Variants in NXN observed in about 807,000 individuals in gnomAD.
NXN encodes nucleoredoxin.
Under a neutral mutation model 48.6 loss-of-function variants are expected in NXN, and 16 were observed. The observed-to-expected ratio is 0.33, with a 90% CI of 0.22 to 0.50. The LOEUF (loss-of-function observed/expected upper bound fraction) is 0.50. NXN is among the 20% of genes least tolerant of loss of function. The pLI, the probability that NXN is intolerant of heterozygous loss-of-function variation, is 0.98. For missense variants in NXN, 492 were observed against 605.5 expected, an observed-to-expected ratio of 0.81 and a Z score of 1.97; for synonymous variants, 281 against 269.6, an observed-to-expected ratio of 1.04 and a Z score of -0.41.
At chr17:929,068 G>A (rs555206652) in intron 1 of NXN, among the ~76,000 whole-genome samples, 2 of 152,326 alleles carry the variant, frequency 1.3e-5, no homozygotes, top group East Asian at 3.9e-4. Flanking sequence ...CCAATGTCAA[G>A]AAAAATTTTA....
chr17:822,547 A>C (rs1165218333), intron 3 of NXN, 90 bp from the exon 4 acceptor site: 1 of 914,654 alleles, frequency 1.1e-6, no homozygotes, highest in African/African-American at 1.6e-5. Flanking sequence ...GCAGGACTCA[A>C]GCAGGACTGG....
At chr17:925,592 T>C (rs1476080221) in intron 1 of NXN, among the ~76,000 whole-genome samples, 2 of 152,192 alleles carry the variant, frequency 1.3e-5, no homozygotes, top group African/African-American at 4.8e-5. Context: ...TTTCACCATG[T>C]TGGCCAGGCT....
chr17:823,863 TGGGACCCGG>T, intron 2 of NXN, 98 bp from the exon 3 acceptor site: 1 of 1,320,108 alleles, frequency 7.6e-7, no homozygotes, highest in Non-Finnish European at 1.1e-6. Context: ...CTTGATGACC[TGGGACCCGG>T]GAGACCTCAG....
At chr17:810,761 C>T (rs1464175751) in intron 5 of NXN, among the ~76,000 whole-genome samples, 1 of 152,088 alleles carries the variant, frequency 6.6e-6, no homozygotes, top group Non-Finnish European at 1.5e-5. Flanking sequence ...TGGTAGCGCA[C>T]CCCTGTACTC....
rs1006530075 is a variant in NXN, at chr17:958,312, G to A, written c.360+21007C>T. ...TTACTCATCTTCCGAAAATGCTAAC[G>A]TGCTGACTGGGGCTAACCCTACGCT... On this transcript the variant is annotated intron_variant, in intron 1 of 7. Transcript: ENST00000336868. This position sits in a 1 kb window ranked among gnomAD's most constrained non-coding sequence, Gnocchi z 6.9. Among the ~76,000 whole-genome samples, 3 of 152,254 alleles carry A rather than the reference G, an allele frequency of 2.0e-5. No individual in the cohort carries two copies. The highest frequency in any genetic ancestry group is 2.9e-5 in the Non-Finnish European group (2 of 68,034).
intron 1 of NXN, among the ~76,000 whole-genome samples, chr17:925,668 C>T (rs755023179): frequency 1.1e-4 from 16 of 152,208 alleles, no homozygotes; most frequent in Non-Finnish European, 1.8e-4. Context: ...GGATGACAGG[C>T]GTGAGCCACT....
intron 1 of NXN, among the ~76,000 whole-genome samples, chr17:927,710 G>A (rs1175831631): frequency 6.6e-6 from 1 of 152,064 alleles, no homozygotes; most frequent in Non-Finnish European, 1.5e-5. Flanking sequence ...GCAGAAGGAG[G>A]CATACTCCGT....
intron 1 of NXN, among the ~76,000 whole-genome samples, chr17:832,341 C>G (rs1488392652): frequency 7.1e-6 from 1 of 140,130 alleles, no homozygotes; most frequent in Non-Finnish European, 1.5e-5. Flanking sequence ...CCACACCCAG[C>G]TACTATTTTG....
At position 884,223 on chromosome 17, in the gene NXN, A is replaced by AAAATAAATAAATAAATAAATAAATAAAT. The variant is rs996617349; in HGVS notation, c.361-58146_361-58145insATTTATTTATTTATTTATTTATTTATTT. ...GGGACTGAGCAAGACTCTGACTCAA[A>AAAATAAATAAATAAATAAATAAATAAAT]AAATAAATAAATAAATAAATAAATA... On this transcript the variant is annotated intron_variant, in intron 1 of 7. Transcript: ENST00000336868. 2.3e-3 allele frequency among the ~76,000 whole-genome samples: 320 copies of AAAATAAATAAATAAATAAATAAATAAAT among 141,860 alleles called. 2 individuals carry two copies. The highest frequency in any genetic ancestry group is 8.9e-3 in the South Asian group (37 of 4,156). 93.1% of individuals were successfully genotyped at this position (141,860 alleles called of 152,430 possible).
At chr17:942,879 A>C (rs373191805) in intron 1 of NXN, among the ~76,000 whole-genome samples, 113 of 23,736 alleles carry the variant, frequency 4.8e-3, no homozygotes, top group Admixed American at 0.012. Context: ...GAATTCACCA[A>C]ACACCTCCCT....
intron 1 of NXN, among the ~76,000 whole-genome samples, chr17:918,463 A>G (rs1244176724): frequency 2.0e-5 from 3 of 152,050 alleles, no homozygotes; most frequent in African/African-American, 7.2e-5. Flanking sequence ...ACTCACTTTC[A>G]TTCCAGCTAC....
chr17:812,207 G>C (rs770979952), intron 5 of NXN, among the ~76,000 whole-genome samples: 14 of 152,092 alleles, frequency 9.2e-5, no homozygotes, highest in African/African-American at 2.9e-4. Flanking sequence ...GATTACAGGC[G>C]TGAGCCACTG....
At chr17:879,262 T>G (rs2068256054) in intron 1 of NXN, among the ~76,000 whole-genome samples, 1 of 137,328 alleles carries the variant, frequency 7.3e-6, no homozygotes, top group African/African-American at 2.6e-5. Context: ...GGGTTTTTTT[T>G]GTTTTGGTTT....
At chr17:846,876 AG>A (rs11365452) in intron 1 of NXN, among the ~76,000 whole-genome samples, 7,397 of 151,878 alleles carry the variant, frequency 0.049, 632 homozygotes, top group African/African-American at 0.17. Context: ...GTGGGGGTGG[AG>A]GGGTACAATG....
At chr17:924,362 G>A (rs368968984) in intron 1 of NXN, among the ~76,000 whole-genome samples, 10 of 152,114 alleles carry the variant, frequency 6.6e-5, no homozygotes, top group Admixed American at 3.9e-4. Flanking sequence ...TCAGCCCCCC[G>A]CGTAGGTGGG....
At chr17:928,800 C>T (rs964423988) in intron 1 of NXN, among the ~76,000 whole-genome samples, 12 of 152,122 alleles carry the variant, frequency 7.9e-5, no homozygotes, top group African/African-American at 2.4e-4. Flanking sequence ...CATGCCACTG[C>T]GCTCCAGCCT....
At chr17:941,015 A>C (rs2068967800) in intron 1 of NXN, among the ~76,000 whole-genome samples, 1 of 143,098 alleles carries the variant, frequency 7.0e-6, no homozygotes, top group Non-Finnish European at 1.5e-5. Flanking sequence ...TCCTGGATTT[A>C]CAGTGAACAA....
intron 7 of NXN, among the ~76,000 whole-genome samples, chr17:802,912 C>CG (rs1448249410): frequency 1.7e-5 from 2 of 118,088 alleles, no homozygotes; most frequent in African/African-American, 6.5e-5. Flanking sequence ...GGGCAGGGGG[C>CG]GGCCTCCAAA....
At chr17:966,535 C>T (rs1434125138) in intron 1 of NXN, among the ~76,000 whole-genome samples, 2 of 151,104 alleles carry the variant, frequency 1.3e-5, no homozygotes, top group Non-Finnish European at 3.0e-5. Context: ...TTAGTAGAGA[C>T]GGGGTTTCTC....
Sources: gnomAD v4.1 joint callset for allele counts (sites outside exome capture counted in the v4.1 genomes callset) on GRCh38, gnomAD v4.1.1 for gene constraint, Gnocchi (gnomAD v3.1) non-coding constraint, MANE v1.5 for transcripts, NCBI Gene and HGNC (gene_info 2026-07-23, HGNC 2026-07-21) for gene names.